SUSD4: variants seen among roughly 807,000 people sequenced by gnomAD.
SUSD4 encodes the protein sushi domain-containing protein 4.
In SUSD4, 41 loss-of-function variants were observed where a neutral mutation model predicts 50.5. That is an observed-to-expected ratio of 0.81 (90% CI 0.63 to 1.05). The LOEUF is 1.05. Among genes scored for constraint, SUSD4 ranks in the 50% least tolerant of loss-of-function variants. The pLI, the probability that SUSD4 is intolerant of heterozygous loss-of-function variation, is 0.00. For missense variants in SUSD4, 580 were observed against 634.7 expected, an observed-to-expected ratio of 0.91 and a Z score of 0.93; for synonymous variants, 257 against 257.3, an observed-to-expected ratio of 1.00 and a Z score of 0.01.
chr1:223,362,097 T>C (rs1293140063), intron 2 of SUSD4, among the ~76,000 whole-genome samples: 1 of 152,226 alleles, frequency 6.6e-6, no homozygotes, highest in Admixed American at 6.5e-5. Context: ...GCAAGTGTTT[T>C]CTCACTAATT....
At chr1:223,347,505 T>A (rs1045347048) in intron 2 of SUSD4, among the ~76,000 whole-genome samples, 1 of 152,170 alleles carries the variant, frequency 6.6e-6, no homozygotes, top group Non-Finnish European at 1.5e-5. Context: ...CAACATCTTA[T>A]GTCATGATTG....
At chr1:223,224,584 G>A (rs1243982586) in intron 7 of SUSD4, among the ~76,000 whole-genome samples, 1 of 152,152 alleles carries the variant, frequency 6.6e-6, no homozygotes, top group African/African-American at 2.4e-5. Context: ...CTGACCCCCC[G>A]CCACTCTTCT....
At chr1:223,316,311 C>A (rs868194735) in intron 2 of SUSD4, among the ~76,000 whole-genome samples, 4 of 152,264 alleles carry the variant, frequency 2.6e-5, no homozygotes, top group African/African-American at 9.6e-5. Context: ...GGGAGAATAT[C>A]TCTCCTTTTT....
chr1:223,246,424 G>C (rs1439991928), intron 5 of SUSD4, among the ~76,000 whole-genome samples: 3 of 152,168 alleles, frequency 2.0e-5, no homozygotes, highest in Non-Finnish European at 4.4e-5. Context: ...GAAGTTTGCT[G>C]CAGGGAAGCA....
rs116240743 is a variant in SUSD4 at position 223,259,275 on chromosome 1, G to A, written c.724+5355C>T. ...TAAACTCTAATCTCCCTAAATGTTT[G>A]ATTGGTCCTTTCTAAACTTGATTCC... is the stretch of plus-strand genomic sequence containing the variant. On this transcript the variant is annotated intron_variant, in intron 5 of 8. Transcript: ENST00000366878. Among the ~76,000 whole-genome samples the A allele has an allele frequency of 2.2e-3, 339 of 152,288 alleles. 3 individuals carry two copies. Among genetic ancestry groups the A allele is most frequent in the African/African-American group, 7.8e-3 (323 of 41,562 alleles).
At chr1:223,317,834 C>CTTTTTTTTTTTTTTTCCTTTTTTT (rs1666297096) in intron 2 of SUSD4, among the ~76,000 whole-genome samples, 21 of 80,160 alleles carry the variant, frequency 2.6e-4, no homozygotes, top group South Asian at 5.3e-4. Flanking sequence ...GCTTGCCCTT[C>CTTTTTTTTTTTTTTTCCTTTTTTT]TTTTTTTTTT....
At chr1:223,280,741 T>C (rs1350434821) in intron 3 of SUSD4, among the ~76,000 whole-genome samples, 2 of 152,010 alleles carry the variant, frequency 1.3e-5, no homozygotes, top group African/African-American at 4.8e-5. Context: ...GGGGACCTAA[T>C]AGGCATCTAC....
chr1:223,251,258 G>GCT (rs1177188684), intron 5 of SUSD4, among the ~76,000 whole-genome samples: 2 of 152,176 alleles, frequency 1.3e-5, no homozygotes, highest in Non-Finnish European at 2.9e-5. Context: ...TCTGGCACAG[G>GCT]CTTCAGGAAG....
chr1:223,279,356 C>A (rs1663521768), intron 3 of SUSD4, among the ~76,000 whole-genome samples: 1 of 152,216 alleles, frequency 6.6e-6, no homozygotes, highest in Non-Finnish European at 1.5e-5. Flanking sequence ...ACTAGAATAA[C>A]CAGTGTAGAG....
At chr1:223,359,049 T>A (rs1173905988) in intron 2 of SUSD4, 5 of 470,898 alleles carry the variant, frequency 1.1e-5, no homozygotes, top group Non-Finnish European at 4.4e-6. Context: ...GGAGCTCAAT[T>A]CAGCTGCACT....
intron 2 of SUSD4, among the ~76,000 whole-genome samples, chr1:223,303,394 G>A (rs551251501): frequency 3.9e-5 from 6 of 152,208 alleles, no homozygotes; most frequent in East Asian, 3.9e-4. Context: ...GGGAAGGAGC[G>A]GACAGGCATT....
At chr1:223,283,318 T>C (rs1257892521) in intron 3 of SUSD4, among the ~76,000 whole-genome samples, 2 of 152,166 alleles carry the variant, frequency 1.3e-5, no homozygotes, top group Non-Finnish European at 2.9e-5. Context: ...GAGAAAATTT[T>C]TGCAATCTAC....
chr1:223,351,133 C>T (rs1668340395), intron 2 of SUSD4, among the ~76,000 whole-genome samples: 1 of 152,222 alleles, frequency 6.6e-6, no homozygotes, highest in Non-Finnish European at 1.5e-5. Context: ...GAGGCAGAGG[C>T]AATTAAGGGG....
chr1:223,253,767 T>C (rs576622060), intron 5 of SUSD4, among the ~76,000 whole-genome samples: 114 of 152,316 alleles, frequency 7.5e-4, no homozygotes, highest in Non-Finnish European at 1.2e-3. Flanking sequence ...GGAGCAGGGA[T>C]AGAGAAGATA....
At chr1:223,348,058 A>G (rs1668140191) in intron 2 of SUSD4, among the ~76,000 whole-genome samples, 2 of 152,104 alleles carry the variant, frequency 1.3e-5, no homozygotes, top group Non-Finnish European at 2.9e-5. Flanking sequence ...AGTGGACTAC[A>G]GATCTAAGCA....
intron 5 of SUSD4, among the ~76,000 whole-genome samples, chr1:223,230,138 GT>G (rs1659796785): frequency 6.6e-6 from 1 of 152,204 alleles, no homozygotes; most frequent in Non-Finnish European, 1.5e-5. Context: ...AGAAAAAGTT[GT>G]TTTTAGTGTC....
Position 223,268,612 on chromosome 1 carries a change from T to C in SUSD4, c.425A>G (p.Lys142Arg). Residue 142 changes from lysine (K) to arginine (R), a missense_variant, in exon 4 of 9, where the codon AAG (lysine) becomes AGG (arginine). Physicochemically the swap from Lys to Arg is conservative, Grantham distance 26. Coordinates refer to ENST00000366878, the MANE Select transcript of SUSD4 (RefSeq NM_017982.4). ...IHNKTYRHGE[K>R]LIITCHEGFK... ...TCCTTCATGACAAGTGATGATTAGC[T>C]TCTCTCCATGTCTATATGTCTTGTT... is the stretch of plus-strand genomic sequence containing the variant. The C allele has an allele frequency of 6.2e-7, 1 of 1,614,188 alleles. No homozygotes were observed. The highest frequency in any genetic ancestry group is 8.5e-7 in the Non-Finnish European group (1 of 1,180,032).
intron 3 of SUSD4, among the ~76,000 whole-genome samples, chr1:223,270,253 A>G (rs1483812674): frequency 6.6e-6 from 1 of 152,108 alleles, no homozygotes; most frequent in Non-Finnish European, 1.5e-5. Context: ...CTTTGTCATC[A>G]CCGTTAGCTT....
chr1:223,252,636 A>T (rs1661412522), intron 5 of SUSD4, among the ~76,000 whole-genome samples: 1 of 152,206 alleles, frequency 6.6e-6, no homozygotes, highest in African/African-American at 2.4e-5. Flanking sequence ...GTATGAAAAT[A>T]CAGACTGATG....
Sources: allele counts gnomAD v4.1 joint callset (sites outside exome capture counted in the v4.1 genomes callset), GRCh38; gene constraint gnomAD v4.1.1; transcripts MANE v1.5; gene names NCBI Gene and HGNC (gene_info 2026-07-23, HGNC 2026-07-21).